SEMA6D: variants seen among roughly 807,000 people sequenced by gnomAD.
The protein encoded by SEMA6D is semaphorin 6D, also known as semaphorin-6D.
A neutral mutation model predicts 106.6 loss-of-function variants in SEMA6D; 35 were observed. The observed-to-expected ratio is 0.33, with a 90% CI of 0.25 to 0.44. The LOEUF is 0.44. Ranked by LOEUF, SEMA6D falls within the 20% of genes least tolerant of loss-of-function variation. SEMA6D has a pLI of 1.00. For missense variants in SEMA6D, 1,185 were observed against 1,345.9 expected (o/e 0.88, Z 1.87); for synonymous variants, 499 against 487.7 (o/e 1.02, Z -0.31).
chr15:47,730,058 TTTTAG>T lies in SEMA6D; in HGVS notation c.-55+12385_-55+12389del, dbSNP rs796071954. 3,060 of 666,776 alleles carry T rather than the reference TTTTAG, an allele frequency of 4.6e-3. 71 individuals carry two copies. In the African/African-American group the frequency reaches 0.048, roughly 10 times the overall value. The allele number at this position is 666,776 out of a possible 1,614,324, so 41.3% of individuals were successfully genotyped here. On this transcript the variant is annotated intron_variant, in intron 1 of 18. Transcript: ENST00000536845. ...ATGCTATGTTTATCTTCCCATTTTATTTTAGTTTAGTTTAGTTTAGTTTTGAAGGA... is the reference window on the plus strand; with the variant it reads ...ATGCTATGTTTATCTTCCCATTTTATTTTAGTTTAGTTTAGTTTTGAAGGA...
chr15:47,736,331 T>G (rs2080444928), intron 1 of SEMA6D, among the ~76,000 whole-genome samples: 1 of 152,202 alleles, frequency 6.6e-6, no homozygotes, highest in African/African-American at 2.4e-5. Flanking sequence ...CTTGTCACCC[T>G]GACAGAGGCA....
At chr15:47,527,205 A>G (rs2044789577) in intron 3 of SEMA6D, among the ~76,000 whole-genome samples, 2 of 152,240 alleles carry the variant, frequency 1.3e-5, no homozygotes, top group South Asian at 2.1e-4. Flanking sequence ...TGATCCACTC[A>G]AAAGAGAAAG....
chr15:47,315,419 A>G (rs1490339132), intron 1 of SEMA6D, among the ~76,000 whole-genome samples: 3 of 151,896 alleles, frequency 2.0e-5, no homozygotes, highest in African/African-American at 7.3e-5. Context: ...ACGGGGGTCT[A>G]TTTCTGGACT....
At chr15:47,185,165 C>G (rs1376833493) in intron 1 of SEMA6D, among the ~76,000 whole-genome samples, 1 of 152,114 alleles carries the variant, frequency 6.6e-6, no homozygotes, top group Non-Finnish European at 1.5e-5. Context: ...CACCGCTCAC[C>G]GGGCTGTAAA....
chr15:47,317,033 G>C (rs998583440), intron 1 of SEMA6D, among the ~76,000 whole-genome samples: 1 of 152,130 alleles, frequency 6.6e-6, no homozygotes, highest in Non-Finnish European at 1.5e-5. Context: ...TAGTGAATCT[G>C]TCTGGGCTGG....
intron 3 of SEMA6D, among the ~76,000 whole-genome samples, chr15:47,554,712 TTC>T (rs1370829614): frequency 2.6e-5 from 4 of 152,272 alleles, no homozygotes; most frequent in African/African-American, 9.6e-5. Context: ...GACCCTTTAG[TTC>T]TCTGTCATGT....
At chr15:47,369,308 C>T (rs962365592) in intron 1 of SEMA6D, among the ~76,000 whole-genome samples, 3 of 152,158 alleles carry the variant, frequency 2.0e-5, no homozygotes, top group African/African-American at 4.8e-5. Context: ...TGGCTTAGAG[C>T]TCAGAGGGTT....
At chr15:47,387,770 A>G (rs1211075378) in intron 1 of SEMA6D, among the ~76,000 whole-genome samples, 2 of 152,202 alleles carry the variant, frequency 1.3e-5, no homozygotes. Flanking sequence ...CCTAGTTCAA[A>G]ATTCAGGTCT....
At chr15:47,644,399 A>C (rs2077543424) in intron 4 of SEMA6D, among the ~76,000 whole-genome samples, 1 of 152,254 alleles carries the variant, frequency 6.6e-6, no homozygotes, top group Non-Finnish European at 1.5e-5. Context: ...TGCCTCAACT[A>C]TGCATTTTGA....
chr15:47,681,758 T>A (rs1467780214), intron 4 of SEMA6D, among the ~76,000 whole-genome samples: 2 of 152,180 alleles, frequency 1.3e-5, no homozygotes, highest in Non-Finnish European at 2.9e-5. Context: ...TGATATGAGG[T>A]TGAATTGAAA....
chr15:47,678,979 A>C (rs1344610579), intron 4 of SEMA6D, among the ~76,000 whole-genome samples: 2 of 152,122 alleles, frequency 1.3e-5, no homozygotes, highest in Admixed American at 6.5e-5. Flanking sequence ...TATTCATAAG[A>C]TATTTTCTGT....
intron 1 of SEMA6D, among the ~76,000 whole-genome samples, chr15:47,360,793 A>T (rs146009049): frequency 6.6e-6 from 1 of 152,278 alleles, no homozygotes; most frequent in Non-Finnish European, 1.5e-5. Flanking sequence ...AAATAAAATG[A>T]ATATGAAAGA....
At chr15:47,667,155 T>C (rs2145311246) in intron 4 of SEMA6D, among the ~76,000 whole-genome samples, 1 of 152,296 alleles carries the variant, frequency 6.6e-6, no homozygotes, top group East Asian at 1.9e-4. Flanking sequence ...CCTTTCCAAA[T>C]TCCTGACCTA....
At chr15:47,296,929 C>T (rs974571519) in intron 1 of SEMA6D, among the ~76,000 whole-genome samples, 1 of 152,082 alleles carries the variant, frequency 6.6e-6, no homozygotes, top group Non-Finnish European at 1.5e-5. Flanking sequence ...CTTTACATTT[C>T]GGTCTGTAAA....
chr15:47,408,479 A>C (rs1321880829), intron 1 of SEMA6D, among the ~76,000 whole-genome samples: 1 of 152,162 alleles, frequency 6.6e-6, no homozygotes, highest in East Asian at 1.9e-4. Flanking sequence ...CCTTATCTAT[A>C]AAAAAGGGTA....
In SEMA6D at chr15:47,273,251, T is replaced by TAA. The variant is rs5812368; in HGVS notation, c.-239+88843_-239+88844dup. Among the ~76,000 whole-genome samples the TAA allele has an allele frequency of 7.2e-3, 1,067 of 147,626 alleles. 14 individuals are homozygous for TAA. Among genetic ancestry groups the TAA allele is most frequent in the African/African-American group, 0.025 (994 of 40,414 alleles). On this transcript the variant is annotated intron_variant, in intron 1 of 19. Coordinates refer to the SEMA6D transcript ENST00000558014. ...GTGGGAGCCTTCTTTTGTCTTGCCT[T>TAA]AAAAAAAAAAAGCACCACAGAAGTC...
rs532249636 is a variant in SEMA6D, at chr15:47,365,063, T to C, written c.-238-47330T>C. Among the ~76,000 whole-genome samples, 307 of 152,230 alleles carry C rather than the reference T, an allele frequency of 2.0e-3. 1 individual carries two copies. The highest frequency in any genetic ancestry group is 7.2e-3 in the African/African-American group (298 of 41,550). ...AAGTTGGGAGGAAATTAAAAGCAGCTTCCAATCATTAGCCCTTCAGCTGGC... is the reference window on the plus strand; with the variant it reads ...AAGTTGGGAGGAAATTAAAAGCAGCCTCCAATCATTAGCCCTTCAGCTGGC... On this transcript the variant is annotated intron_variant, in intron 1 of 19. Coordinates refer to the SEMA6D transcript ENST00000558014.
intron 4 of SEMA6D, among the ~76,000 whole-genome samples, chr15:47,654,193 T>G (rs1360827606): frequency 6.6e-6 from 1 of 152,186 alleles, no homozygotes; most frequent in Non-Finnish European, 1.5e-5. Context: ...AGATCACCAT[T>G]TATACCACTT....
Position 47,772,401 on chromosome 15 carries a change from A to G in SEMA6D, c.*616A>G, listed in dbSNP as rs1481867523. The G allele has an allele frequency of 1.1e-5, 1 of 91,318 alleles. No homozygotes were observed. The highest frequency in any genetic ancestry group is 2.2e-5 in the Non-Finnish European group (1 of 44,562). The allele number at this position is 91,318 out of a possible 1,614,324, so 5.7% of individuals were successfully genotyped here. ...GTGTGTGTGTGTGTGTTCTGTACCC[A>G]CTAGGATTTGTTTAGGTGCCCATTG... On this transcript the variant is annotated 3_prime_UTR_variant, in exon 19 of 19. Coordinates refer to ENST00000536845, the MANE Select transcript of SEMA6D (RefSeq NM_001358351.3).
Sources: gnomAD v4.1 joint callset for allele counts (sites outside exome capture counted in the v4.1 genomes callset) on GRCh38, gnomAD v4.1.1 for gene constraint, MANE v1.5 for transcripts, NCBI Gene and HGNC (gene_info 2026-07-23, HGNC 2026-07-21) for gene names.